GRID1: variants seen among roughly 807,000 people sequenced by gnomAD.
GRID1 encodes the protein glutamate ionotropic receptor delta type subunit 1, also known as glutamate receptor ionotropic, delta-1.
In GRID1, 28 loss-of-function variants were observed where a neutral mutation model predicts 98.0. The observed-to-expected ratio is 0.29, with a 90% CI of 0.21 to 0.39. The LOEUF is 0.39. Among genes scored for constraint, GRID1 ranks in the 10% least tolerant of loss-of-function variants. The pLI, the probability that GRID1 is intolerant of heterozygous loss-of-function variation, is 1.00. For synonymous variants in GRID1, 553 were observed against 538.5 expected, an observed-to-expected ratio of 1.03 and a Z score of -0.37; for missense variants, 1,111 against 1,340.5, an observed-to-expected ratio of 0.83 and a Z score of 2.67.
chr10:86,276,180 G>T (rs1847266581), intron 2 of GRID1, among the ~76,000 whole-genome samples: 1 of 152,182 alleles, frequency 6.6e-6, no homozygotes. Flanking sequence ...GTGTCAGTAA[G>T]GCTGGTTCCT....
intron 4 of GRID1, among the ~76,000 whole-genome samples, chr10:85,995,921 G>A (rs1261400184): frequency 6.6e-6 from 1 of 152,216 alleles, no homozygotes; most frequent in Non-Finnish European, 1.5e-5. Context: ...ATTCTAATCA[G>A]TATATAAAAG....
chr10:85,921,482 G>A (rs1053002153), intron 4 of GRID1, among the ~76,000 whole-genome samples: 1 of 152,200 alleles, frequency 6.6e-6, no homozygotes, highest in African/African-American at 2.4e-5. Flanking sequence ...CATTCTGCAG[G>A]CCCACTGAGG....
intron 12 of GRID1, among the ~76,000 whole-genome samples, chr10:85,716,582 A>G (rs1564568654): frequency 6.7e-6 from 1 of 149,814 alleles, no homozygotes; most frequent in African/African-American, 2.4e-5. Context: ...TAAAATAAAA[A>G]AGAAAATGTG....
chr10:85,869,066 G>C lies in GRID1; in HGVS notation c.895C>G (p.His299Asp), dbSNP rs1843251042. 6.2e-7 allele frequency: 1 copy of C among 1,613,994 alleles called. No homozygotes were observed. The highest frequency in any genetic ancestry group is 1.3e-5 in the African/African-American group (1 of 75,032). Residue 299 changes from histidine (H) to aspartate (D), a missense_variant, in exon 6 of 16, where the codon CAC becomes GAC. Physicochemically the swap from His to Asp is moderately conservative, Grantham distance 81. Around this residue, in one of 3 missense-constraint regions of GRID1, gnomAD observed 346 missense variants for 452.3 expected, o/e 0.76. Coordinates refer to ENST00000327946, the MANE Select transcript of GRID1 (RefSeq NM_017551.3). ...TCGCAGAGCAGGGAGGAGATGCGGT[G>C]GTTGTTCCTCGTGCATTTCTGATTG... ...KDNQKCTRNN[H>D]RISSLLCDPQ... is the part of the protein sequence containing the mutation.
At chr10:85,651,167 A>G (rs549608882) in intron 12 of GRID1, among the ~76,000 whole-genome samples, 25 of 152,328 alleles carry the variant, frequency 1.6e-4, no homozygotes, top group African/African-American at 5.8e-4. Context: ...TTCATAACTC[A>G]TACCCAACTC....
In GRID1 at chr10:85,599,894, G is replaced by C. The variant is rs1447742826; in HGVS notation, c.*2379C>G. 8.0e-6 allele frequency: 1 copy of C among 124,446 alleles called. No homozygotes were observed. Among genetic ancestry groups the C allele is most frequent in the Non-Finnish European group, 1.7e-5 (1 of 60,258 alleles). 7.7% of individuals were successfully genotyped at this position (124,446 alleles called of 1,614,324 possible). Reference sequence around the variant, plus strand: ...CAGAATACTTCTCTTGAAGATGCTGGTCTCTCTCTCTCTCTCTCTCTCTCT... The same window carrying C: ...CAGAATACTTCTCTTGAAGATGCTGCTCTCTCTCTCTCTCTCTCTCTCTCT... On this transcript the variant is annotated 3_prime_UTR_variant, in exon 16 of 16. Transcript: ENST00000327946.
intron 3 of GRID1, among the ~76,000 whole-genome samples, chr10:86,183,720 T>C (rs574323024): frequency 3.3e-5 from 5 of 152,380 alleles, no homozygotes; most frequent in Non-Finnish European, 7.3e-5. Context: ...TTTGGGGCTA[T>C]TATGAATTAA....
rs184248578 is a variant in GRID1 at position 86,059,892 on chromosome 10, A to T, written c.726+78927T>A. The stretch of plus-strand genomic sequence containing the variant: ...TATACCTAAAGAAAAAAATGAAAAT[A>T]AAAAAAACACTCTCCTAATATTATG... On this transcript the variant is annotated intron_variant, in intron 4 of 15. Coordinates refer to ENST00000327946, the MANE Select transcript of GRID1 (RefSeq NM_017551.3). Among the ~76,000 whole-genome samples the T allele has an allele frequency of 5.6e-3, 849 of 150,658 alleles. 8 individuals carry two copies. Among genetic ancestry groups the T allele is most frequent in the African/African-American group, 0.018 (738 of 41,192 alleles).
chr10:86,093,308 A>AC (rs905292686), intron 4 of GRID1, among the ~76,000 whole-genome samples: 31 of 152,208 alleles, frequency 2.0e-4, no homozygotes, highest in African/African-American at 7.5e-4. Context: ...CTAAGGTCAC[A>AC]CCTCAAGGAA....
intron 4 of GRID1, among the ~76,000 whole-genome samples, chr10:86,008,864 C>A (rs931161503): frequency 6.6e-6 from 1 of 152,066 alleles, no homozygotes; most frequent in African/African-American, 2.4e-5. Context: ...AGCGATCCAG[C>A]GCCACTCCAA....
intron 8 of GRID1, among the ~76,000 whole-genome samples, chr10:85,744,069 C>A: frequency 6.6e-6 from 1 of 152,088 alleles, no homozygotes; most frequent in South Asian, 2.1e-4. Flanking sequence ...ATGCAAAGAT[C>A]AACTCCTGCA....
At chr10:86,153,273 C>T (rs1438847494) in intron 3 of GRID1, among the ~76,000 whole-genome samples, 1 of 152,248 alleles carries the variant, frequency 6.6e-6, no homozygotes, top group Non-Finnish European at 1.5e-5. Flanking sequence ...TGCTCACACT[C>T]ACCTGCACTC....
At chr10:86,301,291 T>C (rs1404481972) in intron 2 of GRID1, among the ~76,000 whole-genome samples, 1 of 152,166 alleles carries the variant, frequency 6.6e-6, no homozygotes, top group Non-Finnish European at 1.5e-5. Context: ...CTGCTTCAGG[T>C]TGCACTGAAG....
chr10:86,146,248 A>G (rs1845087789), intron 3 of GRID1, among the ~76,000 whole-genome samples: 1 of 152,076 alleles, frequency 6.6e-6, no homozygotes, highest in African/African-American at 2.4e-5. Context: ...TTATTGGCAA[A>G]TTTTCCAAAG....
chr10:85,918,494 A>G (rs1231609426), intron 4 of GRID1, among the ~76,000 whole-genome samples: 1 of 152,232 alleles, frequency 6.6e-6, no homozygotes, highest in East Asian at 1.9e-4. Context: ...CCACCCCTTG[A>G]AGGGTTGACC....
At chr10:85,805,914 G>A (rs1842619369) in intron 8 of GRID1, among the ~76,000 whole-genome samples, 1 of 151,320 alleles carries the variant, frequency 6.6e-6, no homozygotes, top group Admixed American at 6.6e-5. Context: ...GTGACTTTGG[G>A]ATGGACAAAG....
At chr10:85,845,218 T>C (rs1842995165) in intron 8 of GRID1, among the ~76,000 whole-genome samples, 1 of 152,082 alleles carries the variant, frequency 6.6e-6, no homozygotes, top group Non-Finnish European at 1.5e-5. Flanking sequence ...GCAAATACAG[T>C]TAGTTCACTA....
At chr10:85,722,511 G>A (rs1564570227) in intron 12 of GRID1, among the ~76,000 whole-genome samples, 1 of 151,952 alleles carries the variant, frequency 6.6e-6, no homozygotes, top group Non-Finnish European at 1.5e-5. Flanking sequence ...TAAACATGAA[G>A]ACACATTTTT....
intron 4 of GRID1, among the ~76,000 whole-genome samples, chr10:85,950,720 C>T (rs1842109129): frequency 6.6e-6 from 1 of 152,176 alleles, no homozygotes; most frequent in Non-Finnish European, 1.5e-5. Context: ...CCAGAGTGAT[C>T]TTCCTACACC....
Sources: allele counts gnomAD v4.1 joint callset (sites outside exome capture counted in the v4.1 genomes callset), GRCh38; gene constraint gnomAD v4.1.1; regional missense constraint gnomAD v4.1.1; transcripts MANE v1.5; gene names NCBI Gene and HGNC (gene_info 2026-07-23, HGNC 2026-07-21).